The following LINC00632 variants were observed in gnomAD, a reference collection of about 807,000 sequenced individuals.
The protein encoded by LINC00632 is long independently transcribed non-coding RNA 632.
At chrX:140,757,967 T>C (rs1931522900) in intron 3 of LINC00632, among the ~76,000 whole-genome samples, 1 of 111,894 alleles carries the variant, frequency 8.9e-6, no homozygotes, top group Admixed American at 9.5e-5. Flanking sequence ...GTCATTTCTC[T>C]TTTTTCCTAT....
At chrX:140,775,696 A>G (rs181769858) in exon 5 of LINC00632, among the ~76,000 whole-genome samples, 2 of 111,890 alleles carry the variant, frequency 1.8e-5, no homozygotes, top group East Asian at 5.6e-4. Flanking sequence ...GAGACTTTAT[A>G]TAACTTGAGA....
intron 3 of LINC00632, among the ~76,000 whole-genome samples, chrX:140,767,344 C>T (rs778268912): frequency 1.2e-3 from 128 of 111,116 alleles, no homozygotes; most frequent in African/African-American, 4.0e-3. Flanking sequence ...AGTGCCTGGC[C>T]CAGAAAAATT....
intron 3 of LINC00632, among the ~76,000 whole-genome samples, chrX:140,754,038 T>A (rs1441565491): frequency 3.6e-5 from 4 of 111,745 alleles, no homozygotes; most frequent in African/African-American, 1.3e-4. Context: ...CCTCCCAAAG[T>A]GCTGGGATTA....
exon 5 of LINC00632, chrX:140,783,988 T>A (rs779605235): frequency 3.3e-6 from 4 of 1,211,289 alleles, no homozygotes; most frequent in Admixed American, 4.3e-5. Flanking sequence ...AGACTATCCA[T>A]GTCTTCCAGA....
At chrX:140,726,899 C>T (rs1435236546) in intron 2 of LINC00632, among the ~76,000 whole-genome samples, 1 of 111,919 alleles carries the variant, frequency 8.9e-6, no homozygotes, top group East Asian at 2.8e-4. Context: ...GCCTTCCTCC[C>T]CATCACCCGC....
At chrX:140,778,465 C>T (rs1348831494) in exon 5 of LINC00632, among the ~76,000 whole-genome samples, 2 of 110,458 alleles carry the variant, frequency 1.8e-5, no homozygotes, top group Admixed American at 9.7e-5. Flanking sequence ...ATTAGCTGGG[C>T]GTGGTGGTGC....
intron 3 of LINC00632, among the ~76,000 whole-genome samples, chrX:140,751,817 C>A (rs1252909823): frequency 1.8e-5 from 2 of 111,699 alleles, no homozygotes; most frequent in Admixed American, 9.6e-5. Context: ...CAGTTCCCTG[C>A]AGCAACTCAG....
At chrX:140,736,914 T>C (rs896584752) in intron 3 of LINC00632, among the ~76,000 whole-genome samples, 31 of 107,213 alleles carry the variant, frequency 2.9e-4, no homozygotes, top group African/African-American at 8.8e-4. Flanking sequence ...TTTTTTTTTT[T>C]CTGGAGTCAG....
At chrX:140,725,346 A>T (rs1190521890) in intron 2 of LINC00632, among the ~76,000 whole-genome samples, 2 of 103,350 alleles carry the variant, frequency 1.9e-5, no homozygotes, top group Admixed American at 2.1e-4. Context: ...ATAAACACAA[A>T]CACATTCCAT....
At chrX:140,734,601 C>T (rs5954080) in intron 3 of LINC00632, among the ~76,000 whole-genome samples, 43,689 of 108,326 alleles carry the variant, frequency 0.4, 6,686 homozygotes, top group African/African-American at 0.48. Flanking sequence ...CTGCAAAAAG[C>T]ATACAAGAAT....
chrX:140,728,565 T>C, intron 2 of LINC00632, among the ~76,000 whole-genome samples: 1 of 110,804 alleles, frequency 9.0e-6, no homozygotes, highest in East Asian at 2.9e-4. Context: ...CAATGCAGCC[T>C]CACCCCACGA....
chrX:140,737,719 C>T (rs943045109), intron 3 of LINC00632, among the ~76,000 whole-genome samples: 10 of 111,825 alleles, frequency 8.9e-5, no homozygotes, highest in African/African-American at 3.3e-4. Context: ...AGAATATGTA[C>T]TGTTTGTCTT....
At chrX:140,786,968 T>G (rs1932027327) in exon 5 of LINC00632, among the ~76,000 whole-genome samples, 1 of 111,624 alleles carries the variant, frequency 9.0e-6, no homozygotes, top group Non-Finnish European at 1.9e-5. Context: ...GTAAATGTAT[T>G]GGGGACTGTA....
intron 2 of LINC00632, among the ~76,000 whole-genome samples, chrX:140,724,710 C>G (rs1930887105): frequency 9.4e-6 from 1 of 106,302 alleles, no homozygotes; most frequent in Admixed American, 1.0e-4. Context: ...AGTACACACA[C>G]ACACAGACAC....
intron 2 of LINC00632, among the ~76,000 whole-genome samples, chrX:140,732,951 C>T (rs187377387): frequency 3.6e-5 from 4 of 110,831 alleles, no homozygotes; most frequent in Admixed American, 9.7e-5. Context: ...TTAGTAGAGA[C>T]GGGGTTTCAC....
intron 3 of LINC00632, among the ~76,000 whole-genome samples, chrX:140,735,923 A>T (rs898116172): frequency 2.7e-5 from 3 of 111,628 alleles, no homozygotes; most frequent in African/African-American, 9.8e-5. Flanking sequence ...TGAATTAACA[A>T]TTTTATAGGA....
At chrX:140,739,737 C>A (rs1234312127) in intron 3 of LINC00632, among the ~76,000 whole-genome samples, 3 of 109,998 alleles carry the variant, frequency 2.7e-5, no homozygotes. Context: ...AATGTCTACC[C>A]CTATTCAACC....
chrX:140,710,475 TA>T (rs781125010), intron 1 of LINC00632, among the ~76,000 whole-genome samples: 1 of 111,116 alleles, frequency 9.0e-6, no homozygotes, highest in Non-Finnish European at 1.9e-5. Flanking sequence ...AATTAATTTG[TA>T]TTTTTGGACA....
intron 2 of LINC00632, chrX:140,714,730 G>A (rs1199441523): frequency 9.2e-6 from 1 of 108,685 alleles, no homozygotes; most frequent in African/African-American, 3.4e-5. Context: ...GCTGAGGCAG[G>A]AGAATCGCTT....
Sources: allele counts gnomAD v4.1 joint callset (sites outside exome capture counted in the v4.1 genomes callset), GRCh38; gene constraint gnomAD v4.1.1; transcripts MANE v1.5; gene names NCBI Gene and HGNC (gene_info 2026-07-23, HGNC 2026-07-21).